F13A1: variants seen among roughly 807,000 people sequenced by gnomAD.
The protein encoded by F13A1 is coagulation factor XIII A chain, also known as FSF, A subunit.
A neutral mutation model predicts 80.1 loss-of-function variants in F13A1; 47 were observed. The observed-to-expected ratio is 0.59, with a 90% CI of 0.46 to 0.75. The LOEUF (loss-of-function observed/expected upper bound fraction) is 0.75. Among genes scored for constraint, F13A1 ranks in the 30% least tolerant of loss-of-function variants. F13A1 has a pLI of 0.00. For missense variants in F13A1, 817 were observed against 930.4 expected (o/e 0.88, Z 1.59); for synonymous variants, 349 against 344.9 (o/e 1.01, Z -0.13).
intron 8 of F13A1, among the ~76,000 whole-genome samples, chr6:6,214,439 T>C (rs1362509149): frequency 1.5e-5 from 2 of 131,118 alleles, no homozygotes; most frequent in Non-Finnish European, 3.3e-5. Flanking sequence ...ACTGGGTACA[T>C]AACGAAATGA....
chr6:6,294,999 G>C (rs1372858957), intron 3 of F13A1, among the ~76,000 whole-genome samples: 1 of 145,536 alleles, frequency 6.9e-6, no homozygotes, highest in Non-Finnish European at 1.5e-5. Flanking sequence ...GCGGTGTTTG[G>C]TTTTTTGTTC....
chr6:6,173,317 GA>G (rs1002158975), intron 12 of F13A1, among the ~76,000 whole-genome samples: 7 of 152,050 alleles, frequency 4.6e-5, no homozygotes, highest in Non-Finnish European at 8.8e-5. Flanking sequence ...GCAAGGACGA[GA>G]AAGAGGCCCC....
At chr6:6,297,759 C>CT (rs1250179030) in intron 3 of F13A1, among the ~76,000 whole-genome samples, 5 of 149,324 alleles carry the variant, frequency 3.3e-5, no homozygotes, top group Non-Finnish European at 7.4e-5. Context: ...CAGTTCTGCT[C>CT]TGATTTTAGT....
chr6:6,240,282 G>T (rs1757468019), intron 6 of F13A1, among the ~76,000 whole-genome samples: 1 of 152,098 alleles, frequency 6.6e-6, no homozygotes, highest in African/African-American at 2.4e-5. Context: ...GAGAAACCAA[G>T]CTGTTTGACC....
intron 8 of F13A1, among the ~76,000 whole-genome samples, chr6:6,207,690 A>C (rs1407843164): frequency 1.3e-5 from 2 of 152,220 alleles, no homozygotes; most frequent in Non-Finnish European, 2.9e-5. Context: ...GGTTAATTAA[A>C]GACTTTCCCC....
intron 3 of F13A1, among the ~76,000 whole-genome samples, chr6:6,297,116 A>G (rs1758341244): frequency 6.7e-6 from 1 of 148,862 alleles, no homozygotes. Context: ...CATGGTGGAT[A>G]AGCTTTTTGA....
intron 13 of F13A1, among the ~76,000 whole-genome samples, 181 bp downstream of exon 13, chr6:6,167,277 A>T (rs1760689700): frequency 1.3e-5 from 2 of 151,690 alleles, no homozygotes; most frequent in Admixed American, 1.3e-4. Context: ...GTGTCTATAT[A>T]TAGGGCAGTT....
chr6:6,210,953 A>G (rs1475566839), intron 8 of F13A1, among the ~76,000 whole-genome samples: 2 of 149,350 alleles, frequency 1.3e-5, no homozygotes, highest in Non-Finnish European at 3.0e-5. Flanking sequence ...CTGTTCTCAA[A>G]CTCCTGATCT....
chr6:6,271,982 G>A lies in F13A1; in HGVS notation c.320-5173C>T, dbSNP rs1379405390. Among the ~76,000 whole-genome samples the A allele has an allele frequency of 5.9e-5, 9 of 152,182 alleles. No individual in the cohort carries two copies. In the East Asian group the frequency reaches 1.7e-3, roughly 29 times the overall value. ...ACTCTTTTCCAACCTTAGCTACCTA[G>A]GCTTGATTGAGCTTTGTGCACAGTT... On this transcript the variant is annotated intron_variant, in intron 3 of 14. Coordinates refer to ENST00000264870, the MANE Select transcript of F13A1 (RefSeq NM_000129.4).
At chr6:6,207,701 A>AACAC (rs1240948721) in intron 8 of F13A1, among the ~76,000 whole-genome samples, 1 of 152,298 alleles carries the variant, frequency 6.6e-6, no homozygotes, top group Admixed American at 6.5e-5. Flanking sequence ...GACTTTCCCC[A>AACAC]ACACACACAC....
intron 10 of F13A1, among the ~76,000 whole-genome samples, chr6:6,185,349 G>A (rs1198387390): frequency 7.4e-6 from 1 of 134,958 alleles, no homozygotes; most frequent in Non-Finnish European, 1.5e-5. Context: ...TGATCTCATT[G>A]TTCAATTCCC....
In F13A1 at chr6:6,250,015, C is replaced by T. The variant is rs3024380; in HGVS notation, c.690+796G>A. 0.45 allele frequency among the ~76,000 whole-genome samples: 68,518 copies of T among 151,960 alleles called. 17,570 individuals carry two copies. The highest frequency in any genetic ancestry group is 0.7 in the African/African-American group (28,823 of 41,446). On this transcript the variant is annotated intron_variant, in intron 5 of 14. Transcript: ENST00000264870. This position sits in a 1 kb window ranked among gnomAD's most constrained non-coding sequence, Gnocchi z 4.2. Reference sequence around the variant, plus strand: ...CATATGGAAGTCAAAGCAAGGCATCCGGAGCCAAGAAAGTACCCTGTGACC... The same window carrying T: ...CATATGGAAGTCAAAGCAAGGCATCTGGAGCCAAGAAAGTACCCTGTGACC...
At chr6:6,223,611 A>G (rs2113061287) in intron 7 of F13A1, among the ~76,000 whole-genome samples, 1 of 152,252 alleles carries the variant, frequency 6.6e-6, no homozygotes, top group Non-Finnish European at 1.5e-5. Flanking sequence ...CCTGGGTTAT[A>G]TTTAAATGGC....
intron 3 of F13A1, among the ~76,000 whole-genome samples, chr6:6,269,455 G>C (rs1167582106): frequency 2.0e-5 from 3 of 151,704 alleles, no homozygotes; most frequent in African/African-American, 7.3e-5. Flanking sequence ...AAAACCTTGA[G>C]CTGACTGATT....
intron 8 of F13A1, among the ~76,000 whole-genome samples, chr6:6,221,511 C>G (rs561490683): frequency 6.6e-6 from 1 of 152,312 alleles, no homozygotes; most frequent in African/African-American, 2.4e-5. Flanking sequence ...CCCAGCTCAA[C>G]AGATGTATGA....
chr6:6,204,083 C>T (rs1761444503), intron 8 of F13A1, among the ~76,000 whole-genome samples: 1 of 152,136 alleles, frequency 6.6e-6, no homozygotes, highest in Non-Finnish European at 1.5e-5. Context: ...ACAGAGAACA[C>T]AGCTGAGACC....
In F13A1 at chr6:6,145,366, T is replaced by C. The variant is rs1398672053; in HGVS notation, c.*253A>G. 11 of 524,224 alleles carry C rather than the reference T, an allele frequency of 2.1e-5. No individual in the cohort carries two copies. The highest frequency in any genetic ancestry group is 1.5e-4 in the Admixed American group (5 of 32,282). The allele number at this position is 524,224 out of a possible 1,614,324, so 32.5% of individuals were successfully genotyped here. On this transcript the variant is annotated 3_prime_UTR_variant, in exon 15 of 15. Coordinates refer to ENST00000264870, the MANE Select transcript of F13A1 (RefSeq NM_000129.4). ...TGATGACTGTTACTCTTATGAGCTA[T>C]GAGAGCTTAATTAAAGCTAATGCTT...
In F13A1 at chr6:6,232,547, A is replaced by G. The variant is rs1415028678; in HGVS notation, c.799-7687T>C. Among the ~76,000 whole-genome samples, 3 of 152,208 alleles carry G rather than the reference A, an allele frequency of 2.0e-5. No individual in the cohort carries two copies. The East Asian group carries it at 5.8e-4, about 29-fold the overall frequency. ...ACTGACAGCACTAGACAGGTCATCA[A>G]GACAGAAAGTCAACAAAGAAACAAT... On this transcript the variant is annotated intron_variant, in intron 6 of 14. Transcript: ENST00000264870.
chr6:6,316,081 A>G (rs1252736322), intron 2 of F13A1, among the ~76,000 whole-genome samples: 389 of 2,690 alleles, frequency 0.14, 8 homozygotes, highest in Non-Finnish European at 0.17. Flanking sequence ...GTGTGTGCAT[A>G]TATATATATA....
Sources: allele counts gnomAD v4.1 joint callset (sites outside exome capture counted in the v4.1 genomes callset), GRCh38; gene constraint gnomAD v4.1.1; non-coding constraint Gnocchi (gnomAD v3.1); transcripts MANE v1.5; gene names NCBI Gene and HGNC (gene_info 2026-07-23, HGNC 2026-07-21).